TBC1D5: variants seen among roughly 807,000 people sequenced by gnomAD.
TBC1D5 encodes TBC1 domain family, member 5.
In TBC1D5, 75 loss-of-function variants were observed where a neutral mutation model predicts 100.3. The observed-to-expected ratio is 0.75, with a 90% CI of 0.62 to 0.91. The LOEUF (loss-of-function observed/expected upper bound fraction) is 0.91. Ranked by LOEUF, TBC1D5 falls within the 40% of genes least tolerant of loss-of-function variation. TBC1D5 has a pLI of 0.00. For synonymous variants in TBC1D5, 323 were observed against 325.6 expected (o/e 0.99, Z 0.09); for missense variants, 910 against 942.4 (o/e 0.97, Z 0.45).
At chr3:17,430,348 T>A (rs1559869743) in intron 3 of TBC1D5, among the ~76,000 whole-genome samples, 1 of 151,796 alleles carries the variant, frequency 6.6e-6, no homozygotes, top group Non-Finnish European at 1.5e-5. Context: ...TCCTTTAAGG[T>A]GATATTTATC....
intron 17 of TBC1D5, among the ~76,000 whole-genome samples, chr3:17,220,864 T>A (rs2074201400): frequency 6.6e-6 from 1 of 152,182 alleles, no homozygotes; most frequent in Non-Finnish European, 1.5e-5. Flanking sequence ...GCATTTTGAT[T>A]CACAAGGCTT....
chr3:17,686,013 T>C (rs191199887), intron 1 of TBC1D5, among the ~76,000 whole-genome samples: 3 of 152,296 alleles, frequency 2.0e-5, no homozygotes, highest in African/African-American at 4.8e-5. Flanking sequence ...AAGTCTTCAG[T>C]GGACTAACTT....
At chr3:17,525,307 T>G (rs950076201) in intron 2 of TBC1D5, among the ~76,000 whole-genome samples, 4 of 152,118 alleles carry the variant, frequency 2.6e-5, no homozygotes, top group Non-Finnish European at 5.9e-5. Context: ...TTTTTTTTAT[T>G]TTTAGTAGAG....
chr3:17,443,375 G>T (rs2094710605), intron 3 of TBC1D5, among the ~76,000 whole-genome samples: 1 of 152,174 alleles, frequency 6.6e-6, no homozygotes, highest in Non-Finnish European at 1.5e-5. Flanking sequence ...AATACCACGT[G>T]CTGGATACCA....
chr3:17,656,796 A>C (rs1358871199), intron 1 of TBC1D5, among the ~76,000 whole-genome samples: 2 of 150,758 alleles, frequency 1.3e-5, no homozygotes, highest in African/African-American at 4.9e-5. Flanking sequence ...ATGATGAACT[A>C]GATATTTTAT....
chr3:17,485,274 ATTTTTTTAGT>A (rs1465452522), intron 3 of TBC1D5, among the ~76,000 whole-genome samples: 1 of 150,760 alleles, frequency 6.6e-6, no homozygotes, highest in Admixed American at 6.6e-5. Flanking sequence ...TAAAGATAGA[ATTTTTTTAGT>A]AAAATTTTAT....
intron 2 of TBC1D5, among the ~76,000 whole-genome samples, chr3:17,546,057 CAA>C (rs577627452): frequency 5.2e-4 from 79 of 152,180 alleles, no homozygotes; most frequent in African/African-American, 1.7e-3. Flanking sequence ...TAATAATCAA[CAA>C]AAAGAGTAAC....
chr3:17,428,574 T>C, intron 3 of TBC1D5, 55 bp from the exon 4 acceptor site: 7 of 965,714 alleles, frequency 7.2e-6, no homozygotes, highest in Middle Eastern at 3.3e-4. Flanking sequence ...ATATTTCAGT[T>C]GAAAAACTGT....
At chr3:17,453,743 C>G (rs1368461631) in intron 3 of TBC1D5, among the ~76,000 whole-genome samples, 1 of 152,050 alleles carries the variant, frequency 6.6e-6, no homozygotes, top group Non-Finnish European at 1.5e-5. Flanking sequence ...AAACTAGAGG[C>G]CAAGGGGATA....
At chr3:17,610,323 T>C (rs1470615092) in intron 2 of TBC1D5, among the ~76,000 whole-genome samples, 1 of 152,138 alleles carries the variant, frequency 6.6e-6, no homozygotes, top group African/African-American at 2.4e-5. Flanking sequence ...TAGCTGGGAC[T>C]ACAGGCATGC....
At chr3:17,325,407 T>C (rs894953110) in intron 13 of TBC1D5, among the ~76,000 whole-genome samples, 1 of 151,568 alleles carries the variant, frequency 6.6e-6, no homozygotes, top group African/African-American at 2.4e-5. Context: ...ATTGCAACCT[T>C]CACCTCCTGG....
chr3:17,374,783 C>T (rs547986513), intron 10 of TBC1D5, 104 bp from the exon 11 acceptor site: 93 of 1,110,424 alleles, frequency 8.4e-5, no homozygotes, highest in South Asian at 3.2e-4. Context: ...AATATGCAAA[C>T]GAAAAAAATT....
intron 1 of TBC1D5, among the ~76,000 whole-genome samples, chr3:17,695,269 A>G (rs562756550): frequency 6.6e-4 from 101 of 152,294 alleles, no homozygotes; most frequent in Middle Eastern, 3.4e-3. Flanking sequence ...ATGTAAATGG[A>G]CTAAATGCCC....
chr3:17,556,488 T>C (rs1488443542), intron 2 of TBC1D5, among the ~76,000 whole-genome samples: 1 of 152,206 alleles, frequency 6.6e-6, no homozygotes, highest in African/African-American at 2.4e-5. Context: ...AGCCTGCCTC[T>C]ACACCTTTGG....
At chr3:17,670,283 C>A (rs1009490580) in intron 1 of TBC1D5, among the ~76,000 whole-genome samples, 3 of 152,184 alleles carry the variant, frequency 2.0e-5, no homozygotes, top group Admixed American at 6.5e-5. Context: ...TGGGCTCGAA[C>A]ACAAATTATT....
At chr3:17,586,549 A>G (rs2096734256) in intron 2 of TBC1D5, 1 of 152,178 alleles carries the variant, frequency 6.6e-6, no homozygotes, top group African/African-American at 2.4e-5. Context: ...CTGGAAAAAC[A>G]GCATCTCCCT....
intron 3 of TBC1D5, among the ~76,000 whole-genome samples, chr3:17,493,958 CTG>C (rs973370334): frequency 2.8e-4 from 43 of 152,342 alleles, no homozygotes; most frequent in African/African-American, 1.0e-3. Context: ...CAGCCCAGTT[CTG>C]TGTCCTTGCT....
Position 17,392,371 on chromosome 3 carries a change from A to T in TBC1D5, c.510-8356T>A, listed in dbSNP as rs560970567. ...TGCTGTGTCATGTGACCCTTTTTTT[A>T]AAAAAAAATTATACTTTTAAGTTCC... On this transcript the variant is annotated intron_variant, in intron 8 of 21. Coordinates refer to ENST00000253692, the Ensembl canonical transcript of TBC1D5. Among the ~76,000 whole-genome samples, 269 of 143,200 alleles carry T rather than the reference A, an allele frequency of 1.9e-3. 2 individuals carry two copies. The highest frequency in any genetic ancestry group is 5.8e-3 in the African/African-American group (197 of 33,762). 93.9% of individuals were successfully genotyped at this position (143,200 alleles called of 152,430 possible).
At chr3:17,424,173 G>A (rs755826202) in intron 4 of TBC1D5, among the ~76,000 whole-genome samples, 12 of 152,088 alleles carry the variant, frequency 7.9e-5, no homozygotes, top group South Asian at 2.1e-4. Flanking sequence ...TTAAATGTTC[G>A]CCTTCAATTT....
Sources: allele counts gnomAD v4.1 joint callset (sites outside exome capture counted in the v4.1 genomes callset), GRCh38; gene constraint gnomAD v4.1.1; transcripts MANE v1.5; gene names NCBI Gene and HGNC (gene_info 2026-07-23, HGNC 2026-07-21).